XKR4: variants seen among roughly 807,000 people sequenced by gnomAD.
The protein encoded by XKR4 is XK related 4.
XKR4 carries 12 observed loss-of-function variants against 53.9 expected under a neutral mutation model. The observed-to-expected ratio is 0.22, with a 90% CI of 0.14 to 0.36. The LOEUF (loss-of-function observed/expected upper bound fraction) is 0.36. Among genes scored for constraint, XKR4 ranks in the 10% least tolerant of loss-of-function variants. The probability of loss-of-function intolerance (pLI) is 1.00; values close to 1 mark genes in which losing one functional copy is unlikely to be tolerated. For synonymous variants in XKR4, 354 were observed against 362.4 expected, an observed-to-expected ratio of 0.98 and a Z score of 0.26; for missense variants, 799 against 859.5, an observed-to-expected ratio of 0.93 and a Z score of 0.88.
chr8:55,368,119 C>A (rs1410924645), intron 2 of XKR4, among the ~76,000 whole-genome samples: 13 of 152,066 alleles, frequency 8.5e-5, no homozygotes, highest in Non-Finnish European at 1.8e-4. Context: ...CACCACCACA[C>A]CCAGCTAATT....
intron 2 of XKR4, among the ~76,000 whole-genome samples, chr8:55,434,975 G>C (rs1290130042): frequency 6.6e-6 from 1 of 151,954 alleles, no homozygotes; most frequent in Non-Finnish European, 1.5e-5. Context: ...CTTGGGTGTG[G>C]AGTTCACTAC....
At position 55,494,265 on chromosome 8, in the gene XKR4, G is replaced by A. The variant is rs557032901; in HGVS notation, c.1007-29016G>A. Among the ~76,000 whole-genome samples the A allele has an allele frequency of 3.3e-5, 5 of 152,372 alleles. No homozygotes were observed. The South Asian group carries it at 1.0e-3, about 32-fold the overall frequency. On this transcript the variant is annotated intron_variant, in intron 2 of 2. Coordinates refer to ENST00000327381, the MANE Select transcript of XKR4 (RefSeq NM_052898.2). The stretch of plus-strand genomic sequence containing the variant: ...ACAGCTGGCACTAGGGAACATAGTG[G>A]TGCCCACAAGCTTGGAGATGCCAGG...
At chr8:55,211,447 A>G (rs528605764) in intron 1 of XKR4, among the ~76,000 whole-genome samples, 1 of 152,348 alleles carries the variant, frequency 6.6e-6, no homozygotes, top group East Asian at 1.9e-4. Context: ...GTCTGCCAGG[A>G]ATGTCCTACG....
At chr8:55,159,947 C>T (rs766168935) in intron 1 of XKR4, among the ~76,000 whole-genome samples, 1 of 152,068 alleles carries the variant, frequency 6.6e-6, no homozygotes, top group African/African-American at 2.4e-5. Context: ...CACTTCTTGT[C>T]ATGAGATTAT....
intron 1 of XKR4, among the ~76,000 whole-genome samples, chr8:55,117,727 C>CT (rs1384002362): frequency 6.6e-6 from 1 of 152,192 alleles, no homozygotes; most frequent in Non-Finnish European, 1.5e-5. Context: ...GAATCTCATG[C>CT]TTTTCCCACT....
intron 1 of XKR4, among the ~76,000 whole-genome samples, chr8:55,142,678 C>T (rs1397480993): frequency 1.3e-5 from 2 of 152,176 alleles, no homozygotes; most frequent in African/African-American, 4.8e-5. Flanking sequence ...AAAAAAATTT[C>T]CAGTTTTGGT....
intron 1 of XKR4, among the ~76,000 whole-genome samples, chr8:55,168,941 T>C (rs1195724114): frequency 2.0e-5 from 3 of 152,212 alleles, no homozygotes; most frequent in Non-Finnish European, 4.4e-5. Context: ...ACTGCAGGCC[T>C]ATGAAAAATC....
chr8:55,503,653 TA>T (rs1460166027), intron 2 of XKR4, among the ~76,000 whole-genome samples: 1 of 152,186 alleles, frequency 6.6e-6, no homozygotes, highest in South Asian at 2.1e-4. Flanking sequence ...TATTCAGAGA[TA>T]ATTTTAATTC....
chr8:55,124,212 C>G lies in XKR4; in HGVS notation c.806+20918C>G, dbSNP rs1391885340. The stretch of plus-strand genomic sequence containing the variant: ...CCAAGCTGGCGACGCTGCTCACTCT[C>G]CATGTGGTTCCTTCTGCTGTGCTCC... On this transcript the variant is annotated intron_variant, in intron 1 of 2. Coordinates refer to ENST00000327381, the MANE Select transcript of XKR4 (RefSeq NM_052898.2). 2.0e-5 allele frequency among the ~76,000 whole-genome samples: 3 copies of G among 152,216 alleles called. No individual in the cohort carries two copies. In the South Asian group the frequency reaches 6.2e-4, roughly 32 times the overall value.
intron 1 of XKR4, among the ~76,000 whole-genome samples, chr8:55,259,067 G>C (rs1818477702): frequency 6.6e-6 from 1 of 152,222 alleles, no homozygotes; most frequent in Non-Finnish European, 1.5e-5. Context: ...AAATGCCTGG[G>C]ACTCTTTAAG....
At chr8:55,192,216 A>AG (rs1817451547) in intron 1 of XKR4, among the ~76,000 whole-genome samples, 1 of 143,198 alleles carries the variant, frequency 7.0e-6, no homozygotes. Context: ...GGGACTTAAT[A>AG]CAATTCTTAC....
chr8:55,105,076 G>A (rs779104616), intron 1 of XKR4, among the ~76,000 whole-genome samples: 1 of 152,072 alleles, frequency 6.6e-6, no homozygotes, highest in Non-Finnish European at 1.5e-5. Context: ...TCTCTATCCT[G>A]TTAACTGAAA....
chr8:55,242,599 G>A (rs534257871), intron 1 of XKR4, among the ~76,000 whole-genome samples: 1 of 152,298 alleles, frequency 6.6e-6, no homozygotes, highest in South Asian at 2.1e-4. Flanking sequence ...TAATTGATGA[G>A]ATGCCATTAT....
chr8:55,131,289 C>G (rs966105177), intron 1 of XKR4, among the ~76,000 whole-genome samples: 2 of 152,146 alleles, frequency 1.3e-5, no homozygotes, highest in Non-Finnish European at 2.9e-5. Context: ...ACTTGAGAAG[C>G]CTGACTTTAG....
intron 1 of XKR4, among the ~76,000 whole-genome samples, chr8:55,303,277 C>T (rs149432562): frequency 0.014 from 2,134 of 152,256 alleles, 41 homozygotes; most frequent in African/African-American, 0.048. Flanking sequence ...GTCTTTGGTT[C>T]TGTTTTTATG....
intron 1 of XKR4, among the ~76,000 whole-genome samples, chr8:55,247,057 C>G (rs550507566): frequency 6.6e-6 from 1 of 152,328 alleles, no homozygotes; most frequent in East Asian, 1.9e-4. Flanking sequence ...GAAACCAGAG[C>G]TAAGGTAAAC....
intron 2 of XKR4, among the ~76,000 whole-genome samples, chr8:55,508,868 A>T (rs1166108279): frequency 1.3e-5 from 2 of 152,246 alleles, no homozygotes; most frequent in Non-Finnish European, 2.9e-5. Context: ...TGCCTGGGAC[A>T]GGGGATTCGT....
At chr8:55,483,364 A>T (rs1031932908) in intron 2 of XKR4, among the ~76,000 whole-genome samples, 1 of 152,214 alleles carries the variant, frequency 6.6e-6, no homozygotes, top group Non-Finnish European at 1.5e-5. Flanking sequence ...AGAATTTTAA[A>T]AATAAGCAAA....
chr8:55,298,442 T>C, intron 1 of XKR4, among the ~76,000 whole-genome samples: 1 of 152,198 alleles, frequency 6.6e-6, no homozygotes, highest in African/African-American at 2.4e-5. Flanking sequence ...GCATTACTTC[T>C]GATGAGGACC....
Sources: gnomAD v4.1 joint callset for allele counts (sites outside exome capture counted in the v4.1 genomes callset) on GRCh38, gnomAD v4.1.1 for gene constraint, MANE v1.5 for transcripts, NCBI Gene and HGNC (gene_info 2026-07-23, HGNC 2026-07-21) for gene names.